EPHA6: variants seen among roughly 807,000 people sequenced by gnomAD.
EPHA6 encodes the protein EPH receptor A6, also known as ephrin type-A receptor 6.
A neutral mutation model predicts 112.0 loss-of-function variants in EPHA6; 50 were observed. The observed-to-expected ratio is 0.45, with a 90% CI of 0.36 to 0.56. The LOEUF is 0.56. Among genes scored for constraint, EPHA6 ranks in the 20% least tolerant of loss-of-function variants. The probability of loss-of-function intolerance (pLI) is 0.00; values close to 1 mark genes in which losing one functional copy is unlikely to be tolerated. For missense variants in EPHA6, 1,280 were observed against 1,417.4 expected (o/e 0.90, Z 1.56); for synonymous variants, 529 against 490.7 (o/e 1.08, Z -1.03).
chr3:96,935,712 C>A (rs1032421643), intron 2 of EPHA6, among the ~76,000 whole-genome samples: 99 of 137,380 alleles, frequency 7.2e-4, no homozygotes, highest in African/African-American at 2.5e-3. Context: ...ATTATATATA[C>A]ATTATATATA....
At chr3:97,684,090 GCTT>G (rs1486207395) in intron 14 of EPHA6, among the ~76,000 whole-genome samples, 4 of 152,082 alleles carry the variant, frequency 2.6e-5, no homozygotes, top group African/African-American at 7.2e-5. Flanking sequence ...TTTAGGTACT[GCTT>G]GTTATATACA....
chr3:97,381,726 G>T (rs909334250), intron 5 of EPHA6, among the ~76,000 whole-genome samples: 1 of 152,036 alleles, frequency 6.6e-6, no homozygotes, highest in African/African-American at 2.4e-5. Context: ...GCAACATTTT[G>T]TCATGACTTA....
chr3:97,240,042 G>T (rs571414641), intron 4 of EPHA6, among the ~76,000 whole-genome samples: 3 of 151,858 alleles, frequency 2.0e-5, no homozygotes, highest in South Asian at 4.2e-4. Context: ...TACTGATATG[G>T]TTCCTTCCTG....
intron 11 of EPHA6, among the ~76,000 whole-genome samples, chr3:97,568,809 T>C (rs2093300357): frequency 6.6e-6 from 1 of 152,072 alleles, no homozygotes; most frequent in Non-Finnish European, 1.5e-5. Context: ...TCCACAGGGG[T>C]CTTGCAGTGG....
At chr3:97,428,158 A>G (rs2089279032) in intron 6 of EPHA6, among the ~76,000 whole-genome samples, 1 of 152,230 alleles carries the variant, frequency 6.6e-6, no homozygotes, top group African/African-American at 2.4e-5. Flanking sequence ...ATTTAGTCCC[A>G]GAAGACTACA....
intron 2 of EPHA6, among the ~76,000 whole-genome samples, chr3:96,911,005 A>T (rs921033440): frequency 1.3e-5 from 2 of 151,954 alleles, no homozygotes; most frequent in African/African-American, 4.8e-5. Flanking sequence ...GAAATTGTTT[A>T]CTTTGATATA....
intron 10 of EPHA6, among the ~76,000 whole-genome samples, chr3:97,508,836 G>T (rs932896840): frequency 6.6e-6 from 1 of 151,994 alleles, no homozygotes; most frequent in Non-Finnish European, 1.5e-5. Flanking sequence ...GAACCTGGGA[G>T]CTTCTGTATT....
intron 6 of EPHA6, among the ~76,000 whole-genome samples, chr3:97,416,842 TTTCAG>T (rs1271453182): frequency 6.6e-6 from 1 of 152,128 alleles, no homozygotes; most frequent in African/African-American, 2.4e-5. Flanking sequence ...TCATTTTAAC[TTTCAG>T]TTATTTTTCC....
At chr3:97,691,919 C>T (rs951163727) in intron 14 of EPHA6, among the ~76,000 whole-genome samples, 3 of 152,268 alleles carry the variant, frequency 2.0e-5, no homozygotes, top group Admixed American at 2.0e-4. Context: ...CAACCATTCT[C>T]CTAAAACCAG....
chr3:97,214,977 T>C (rs1172205425), intron 3 of EPHA6, among the ~76,000 whole-genome samples: 1 of 152,228 alleles, frequency 6.6e-6, no homozygotes, highest in Non-Finnish European at 1.5e-5. Flanking sequence ...CTTTCAAGAA[T>C]GCTATTATTT....
chr3:96,859,501 C>A (rs1020926152), intron 1 of EPHA6, among the ~76,000 whole-genome samples: 1 of 151,880 alleles, frequency 6.6e-6, no homozygotes, highest in Middle Eastern at 3.4e-3. Context: ...CTCATCTCAG[C>A]CTCCTGAGTA....
intron 3 of EPHA6, among the ~76,000 whole-genome samples, chr3:97,117,098 A>G (rs2047910665): frequency 1.3e-5 from 2 of 151,630 alleles, no homozygotes; most frequent in Non-Finnish European, 3.0e-5. Context: ...AACATGTTTC[A>G]TATACCTATT....
chr3:96,861,597 T>A (rs2036011075), intron 1 of EPHA6, among the ~76,000 whole-genome samples: 1 of 151,964 alleles, frequency 6.6e-6, no homozygotes, highest in African/African-American at 2.4e-5. Context: ...AAAGCTAACA[T>A]CACTATGTTC....
At chr3:97,134,979 T>C (rs1327724332) in intron 3 of EPHA6, among the ~76,000 whole-genome samples, 1 of 152,086 alleles carries the variant, frequency 6.6e-6, no homozygotes, top group Non-Finnish European at 1.5e-5. Flanking sequence ...TTTCAGAGGA[T>C]CTGTCTTTAG....
chr3:96,984,453 G>T (rs1034355964), intron 2 of EPHA6, among the ~76,000 whole-genome samples: 4 of 152,196 alleles, frequency 2.6e-5, no homozygotes, highest in African/African-American at 4.8e-5. Context: ...TGAGGTGTCA[G>T]TCTGCCCCTA....
At chr3:96,921,331 AAT>A (rs1576038690) in intron 2 of EPHA6, among the ~76,000 whole-genome samples, 1 of 152,236 alleles carries the variant, frequency 6.6e-6, no homozygotes, top group South Asian at 2.1e-4. Flanking sequence ...ATATTTTTCA[AAT>A]ATGTTTGATA....
At chr3:96,847,915 A>G (rs183143493) in intron 1 of EPHA6, among the ~76,000 whole-genome samples, 3 of 152,226 alleles carry the variant, frequency 2.0e-5, no homozygotes, top group African/African-American at 4.8e-5. Flanking sequence ...TCAAAAGCCA[A>G]TGTTAAGATG....
intron 6 of EPHA6, among the ~76,000 whole-genome samples, chr3:97,416,698 C>A (rs576752360): frequency 6.6e-6 from 1 of 152,230 alleles, no homozygotes; most frequent in East Asian, 1.9e-4. Context: ...TTTAGCACTA[C>A]AGATTCACAT....
intron 5 of EPHA6, among the ~76,000 whole-genome samples, chr3:97,329,637 A>T (rs2082676721): frequency 6.6e-6 from 1 of 151,976 alleles, no homozygotes; most frequent in Admixed American, 6.6e-5. Context: ...GTCTGTTCAT[A>T]TCCTTCACCC....
Sources: gnomAD v4.1 joint callset for allele counts (sites outside exome capture counted in the v4.1 genomes callset) on GRCh38, gnomAD v4.1.1 for gene constraint, MANE v1.5 for transcripts, NCBI Gene and HGNC (gene_info 2026-07-23, HGNC 2026-07-21) for gene names.